The following ZNF385D variants were observed in gnomAD, a reference collection of about 807,000 sequenced individuals.
ZNF385D encodes the protein zinc finger protein 659.
A neutral mutation model predicts 35.8 loss-of-function variants in ZNF385D; 15 were observed. That is an observed-to-expected ratio of 0.42 (90% CI 0.28 to 0.64). The LOEUF is 0.64. ZNF385D is among the 30% of genes least tolerant of loss of function. The probability of loss-of-function intolerance (pLI) is 0.23; values close to 1 mark genes in which losing one functional copy is unlikely to be tolerated. For synonymous variants in ZNF385D, 212 were observed against 186.8 expected (o/e 1.13, Z -1.10); for missense variants, 474 against 494.6 (o/e 0.96, Z 0.39).
At chr3:22,171,205 C>T (rs976527421) in intron 2 of ZNF385D, among the ~76,000 whole-genome samples, 3 of 152,166 alleles carry the variant, frequency 2.0e-5, no homozygotes, top group Non-Finnish European at 2.9e-5. Context: ...TTAGGCAATG[C>T]TACAGAGATA....
Position 22,301,106 on chromosome 3 carries a change from A to C in ZNF385D, c.106+71344T>G, listed in dbSNP as rs573223488. 3.6e-3 allele frequency among the ~76,000 whole-genome samples: 555 copies of C among 152,154 alleles called. 4 individuals carry two copies. The highest frequency in any genetic ancestry group is 0.011 in the African/African-American group (472 of 41,568). ...AGTGTAATATTATGCAGCCCTTAAG[A>C]AGAAGGAAATCCTGTCATTTGAGAC... On this transcript the variant is annotated intron_variant, in intron 2 of 5. Coordinates refer to the ZNF385D transcript ENST00000494108.
At chr3:22,098,785 CAAAT>C (rs948147051) in intron 3 of ZNF385D, among the ~76,000 whole-genome samples, 2 of 151,158 alleles carry the variant, frequency 1.3e-5, no homozygotes, top group African/African-American at 4.9e-5. Context: ...TTTAAAGTAG[CAAAT>C]AAATAAAGAT....
intron 2 of ZNF385D, among the ~76,000 whole-genome samples, chr3:22,175,448 G>GA (rs1349572416): frequency 2.0e-5 from 3 of 148,620 alleles, no homozygotes; most frequent in Non-Finnish European, 3.0e-5. Context: ...AAATAACTTA[G>GA]AAAAAATGAG....
upstream of ZNF385D, among the ~76,000 whole-genome samples, chr3:21,752,021 C>CA (rs1231051040): frequency 1.5e-5 from 2 of 129,050 alleles, no homozygotes; most frequent in Non-Finnish European, 3.3e-5. Context: ...CCCTCCCCCC[C>CA]CCACCACACA....
intron 1 of ZNF385D, among the ~76,000 whole-genome samples, chr3:21,718,664 A>G (rs996513743): frequency 2.0e-5 from 3 of 152,238 alleles, no homozygotes; most frequent in Admixed American, 6.5e-5. Context: ...TTGAGCCCAG[A>G]CATTCAAATT....
chr3:21,421,286 A>C lies in ZNF385D; in HGVS notation c.1116T>G (p.Pro372=). 6.2e-7 allele frequency: 1 copy of C among 1,614,106 alleles called. No individual in the cohort carries two copies. Among genetic ancestry groups the C allele is most frequent in the Non-Finnish European group, 8.5e-7 (1 of 1,180,012 alleles). The change falls in exon 8 of 8, where the codon CCT becomes CCG. Residue 372 remains proline, a synonymous_variant. Coordinates refer to ENST00000281523, the MANE Select transcript of ZNF385D (RefSeq NM_024697.3). ...CAGGAGCTGGCCGCAGGAGTGCCGG[A>C]GGAAGCGCGGAAGTCTGGAACAGTG... is the stretch of plus-strand genomic sequence containing the variant. ...AATLFQTSAL[P]PALLRPAPGP...
intron 3 of ZNF385D, among the ~76,000 whole-genome samples, chr3:21,538,161 G>C (rs959055410): frequency 6.6e-6 from 1 of 151,990 alleles, no homozygotes; most frequent in African/African-American, 2.4e-5. Context: ...ACTGAGATGC[G>C]GCCTTTGGTT....
chr3:21,863,786 A>G (rs1697184676), intron 3 of ZNF385D, among the ~76,000 whole-genome samples: 5 of 152,192 alleles, frequency 3.3e-5, no homozygotes, highest in Admixed American at 3.3e-4. Flanking sequence ...TGTTGCCAGT[A>G]AAGAAAGAAA....
intron 1 of ZNF385D, among the ~76,000 whole-genome samples, chr3:21,744,354 C>G (rs2069662259): frequency 6.6e-6 from 1 of 152,192 alleles, no homozygotes; most frequent in South Asian, 2.1e-4. Flanking sequence ...CTGCTACAAC[C>G]ACTTTCCCTC....
intron 3 of ZNF385D, among the ~76,000 whole-genome samples, chr3:22,081,850 C>A (rs1700767056): frequency 6.6e-6 from 1 of 152,140 alleles, no homozygotes; most frequent in Non-Finnish European, 1.5e-5. Flanking sequence ...TGTATGAATT[C>A]ACTGAAATTC....
intron 2 of ZNF385D, among the ~76,000 whole-genome samples, chr3:21,600,463 C>A (rs561586176): frequency 6.6e-6 from 1 of 152,208 alleles, no homozygotes; most frequent in South Asian, 2.1e-4. Context: ...CATCTGAAAA[C>A]CCCAGAACAA....
At chr3:21,821,373 A>C (rs1218635641) in intron 3 of ZNF385D, among the ~76,000 whole-genome samples, 2 of 152,194 alleles carry the variant, frequency 1.3e-5, no homozygotes, top group African/African-American at 4.8e-5. Flanking sequence ...GCATTTGACA[A>C]ATTTTTAAAG....
intron 4 of ZNF385D, among the ~76,000 whole-genome samples, chr3:21,466,469 A>G (rs1344357890): frequency 6.6e-6 from 1 of 152,086 alleles, no homozygotes; most frequent in Non-Finnish European, 1.5e-5. Context: ...TTCTTTTTCT[A>G]TGAAGCCTTC....
intron 2 of ZNF385D, among the ~76,000 whole-genome samples, chr3:21,578,274 G>C (rs1331969365): frequency 1.3e-5 from 2 of 152,032 alleles, no homozygotes; most frequent in Non-Finnish European, 2.9e-5. Flanking sequence ...TCACTCTACA[G>C]GCTGTCTCTT....
intron 2 of ZNF385D, among the ~76,000 whole-genome samples, chr3:22,295,563 T>C (rs1312089159): frequency 1.3e-5 from 2 of 152,198 alleles, no homozygotes; most frequent in Non-Finnish European, 2.9e-5. Flanking sequence ...TATGACAGCA[T>C]ATAAACTTAA....
At chr3:22,131,818 G>T (rs1703811892) in intron 3 of ZNF385D, among the ~76,000 whole-genome samples, 1 of 152,100 alleles carries the variant, frequency 6.6e-6, no homozygotes, top group Non-Finnish European at 1.5e-5. Flanking sequence ...AAACCTTAAG[G>T]GAAAGTATGA....
chr3:21,670,251 TACTTATTTATATTAAAATATATATGC>T (rs2125279130), intron 1 of ZNF385D, among the ~76,000 whole-genome samples: 1 of 151,912 alleles, frequency 6.6e-6, no homozygotes, highest in East Asian at 1.9e-4. Flanking sequence ...GAAATATATA[TACTTATTTATATTAAAATATATATGC>T]ACTTATTTAT....
At chr3:21,488,098 G>T (rs1705164962) in intron 4 of ZNF385D, among the ~76,000 whole-genome samples, 1 of 151,968 alleles carries the variant, frequency 6.6e-6, no homozygotes, top group Non-Finnish European at 1.5e-5. Context: ...TGGTTGAATA[G>T]TCCCTTTTGG....
In ZNF385D at chr3:22,148,589, A is replaced by G. The variant is rs145490358; in HGVS notation, c.325+20228T>C. Among the ~76,000 whole-genome samples the G allele has an allele frequency of 1.5e-3, 236 of 152,314 alleles. 4 individuals carry two copies. In the East Asian group the frequency reaches 0.039, roughly 25 times the overall value. On this transcript the variant is annotated intron_variant, in intron 3 of 5. Transcript: ENST00000494108. ...AAGTGAAACTCAGTTTATCTTCAAA[A>G]GAGGAGCTGCTCTTGAAAAATAGCG...
Sources: allele counts gnomAD v4.1 joint callset (sites outside exome capture counted in the v4.1 genomes callset), GRCh38; gene constraint gnomAD v4.1.1; transcripts MANE v1.5; gene names NCBI Gene and HGNC (gene_info 2026-07-23, HGNC 2026-07-21).